Variants in FRMD4A observed in about 807,000 individuals in gnomAD.
FRMD4A encodes FERM domain containing 4A.
A neutral mutation model predicts 129.1 loss-of-function variants in FRMD4A; 29 were observed. That is an observed-to-expected ratio of 0.22 (90% CI 0.17 to 0.31). FRMD4A has a LOEUF of 0.31. Among genes scored for constraint, FRMD4A ranks in the 10% least tolerant of loss-of-function variants. FRMD4A has a pLI of 1.00. For synonymous variants in FRMD4A, 634 were observed against 571.6 expected, an observed-to-expected ratio of 1.11 and a Z score of -1.56; for missense variants, 1,272 against 1,375.8, an observed-to-expected ratio of 0.92 and a Z score of 1.19.
intron 2 of FRMD4A, among the ~76,000 whole-genome samples, chr10:14,209,167 T>C (rs888023049): frequency 6.6e-6 from 1 of 152,116 alleles, no homozygotes; most frequent in Non-Finnish European, 1.5e-5. Context: ...CGTCTTCACA[T>C]GGCATCCTCC....
At chr10:14,120,283 T>A (rs1838432330) in intron 2 of FRMD4A, among the ~76,000 whole-genome samples, 1 of 152,112 alleles carries the variant, frequency 6.6e-6, no homozygotes, top group African/African-American at 2.4e-5. Flanking sequence ...TATGTCCCTC[T>A]GCCTAGTTTA....
intron 2 of FRMD4A, chr10:13,972,072 G>C (rs1167852754): frequency 8.8e-7 from 1 of 1,134,074 alleles, no homozygotes; most frequent in Non-Finnish European, 1.1e-6. Flanking sequence ...GGACTCACCA[G>C]GGACAAGGTA....
At position 14,014,993 on chromosome 10, in the gene FRMD4A, TTATC is replaced by T. The variant is rs1565185530; in HGVS notation, c.46-156085_46-156082del. 1.8e-3 allele frequency among the ~76,000 whole-genome samples: 230 copies of T among 125,726 alleles called. 4 individuals carry two copies. The highest frequency in any genetic ancestry group is 6.5e-3 in the African/African-American group (218 of 33,584). 82.5% of individuals were successfully genotyped at this position (125,726 alleles called of 152,430 possible). ...CTCCCTCCCTTCCTTTCATCCTTTC[TTATC>T]TCCTTCCTTCCTCCCTCCCTCCCTT... On this transcript the variant is annotated intron_variant, in intron 2 of 24. Coordinates refer to ENST00000357447, the MANE Select transcript of FRMD4A (RefSeq NM_018027.5).
chr10:14,328,099 C>A (rs1051044464), intron 2 of FRMD4A, among the ~76,000 whole-genome samples: 6 of 152,048 alleles, frequency 3.9e-5, no homozygotes, highest in African/African-American at 1.2e-4. Flanking sequence ...TAAACATGAA[C>A]CAGAAAATGT....
At chr10:14,226,074 C>T (rs1843424990) in intron 2 of FRMD4A, among the ~76,000 whole-genome samples, 1 of 152,176 alleles carries the variant, frequency 6.6e-6, no homozygotes, top group African/African-American at 2.4e-5. Flanking sequence ...ATCAAAGTTA[C>T]AGTAACGTTC....
Position 14,078,767 on chromosome 10 carries a change from C to A in FRMD4A, c.46-219855G>T, listed in dbSNP as rs148597265. Reference sequence around the variant, plus strand: ...CAAAGTTCAAACTCAGGTCTCCTGGCTCCAAGCCCATGTGTTTCCCCTTCT... The same window carrying A: ...CAAAGTTCAAACTCAGGTCTCCTGGATCCAAGCCCATGTGTTTCCCCTTCT... On this transcript the variant is annotated intron_variant, in intron 2 of 24. Coordinates refer to ENST00000357447, the MANE Select transcript of FRMD4A (RefSeq NM_018027.5). Among the ~76,000 whole-genome samples the A allele has an allele frequency of 1.7e-3, 265 of 152,328 alleles. 2 individuals carry two copies. The highest frequency in any genetic ancestry group is 6.2e-3 in the African/African-American group (256 of 41,578).
intron 12 of FRMD4A, among the ~76,000 whole-genome samples, chr10:13,716,705 G>C (rs534123559): frequency 6.6e-6 from 1 of 152,196 alleles, no homozygotes; most frequent in African/African-American, 2.4e-5. Flanking sequence ...AGCTTCCTTT[G>C]GCTTAAGAGT....
At chr10:13,704,629 G>A (rs145536866) in intron 13 of FRMD4A, among the ~76,000 whole-genome samples, 8 of 152,090 alleles carry the variant, frequency 5.3e-5, no homozygotes, top group African/African-American at 1.2e-4. Context: ...CATGGCCCAC[G>A]ACGTCTGGCC....
At chr10:13,861,071 G>A (rs1030901316) in intron 2 of FRMD4A, among the ~76,000 whole-genome samples, 3 of 152,188 alleles carry the variant, frequency 2.0e-5, no homozygotes, top group South Asian at 4.1e-4. Flanking sequence ...CAGCACAGTC[G>A]CGGGCCGAAG....
chr10:14,301,726 A>G (rs958711925), intron 2 of FRMD4A, among the ~76,000 whole-genome samples: 2 of 152,218 alleles, frequency 1.3e-5, no homozygotes, highest in Non-Finnish European at 2.9e-5. Context: ...CATGTTTTCC[A>G]ATGTCATGGC....
chr10:13,969,100 C>A (rs927729460), intron 2 of FRMD4A, among the ~76,000 whole-genome samples: 4 of 152,230 alleles, frequency 2.6e-5, no homozygotes, highest in African/African-American at 9.6e-5. Flanking sequence ...ACCACCCCAG[C>A]CTGGTCTTGC....
At chr10:13,984,715 C>T (rs2095574827) in intron 2 of FRMD4A, among the ~76,000 whole-genome samples, 1 of 152,192 alleles carries the variant, frequency 6.6e-6, no homozygotes, top group South Asian at 2.1e-4. Context: ...AATTCGCTTC[C>T]TTTTTAAGGC....
At chr10:13,953,559 G>A (rs994488667) in intron 2 of FRMD4A, among the ~76,000 whole-genome samples, 6 of 152,148 alleles carry the variant, frequency 3.9e-5, no homozygotes, top group Non-Finnish European at 1.5e-5. Context: ...TCTAGCTCCT[G>A]CTGTCCACAT....
intron 2 of FRMD4A, among the ~76,000 whole-genome samples, chr10:14,169,293 G>A (rs1303079397): frequency 2.6e-5 from 4 of 152,152 alleles, no homozygotes; most frequent in East Asian, 3.9e-4. Flanking sequence ...TTCCGTGAAT[G>A]CCTCCTGGTT....
chr10:14,101,576 C>A (rs1837303820), intron 2 of FRMD4A, among the ~76,000 whole-genome samples: 1 of 152,116 alleles, frequency 6.6e-6, no homozygotes, highest in East Asian at 1.9e-4. Flanking sequence ...TATAGCACAT[C>A]AGATGATGGG....
Position 14,008,162 on chromosome 10 carries a change from C to CTGTGCGTGTG in FRMD4A, c.46-149251_46-149250insCACACGCACA, listed in dbSNP as rs1555012498. 115 of 630,252 alleles carry CTGTGCGTGTG rather than the reference C, an allele frequency of 1.8e-4. 1 individual carries two copies. The South Asian group carries it at 3.1e-3, about 17-fold the overall frequency. 39.0% of individuals were successfully genotyped at this position (630,252 alleles called of 1,614,324 possible). A position where few individuals can be genotyped will look rare whatever the true frequency, so the allele number is the denominator to read the frequency against. ...CAGCCTGAACCACCATGGTGTACAG[C>CTGTGCGTGTG]TGTGTGTGTGTGTGTGTGTGTGTGT... On this transcript the variant is annotated intron_variant, in intron 2 of 24. Coordinates refer to ENST00000357447, the MANE Select transcript of FRMD4A (RefSeq NM_018027.5).
intron 2 of FRMD4A, among the ~76,000 whole-genome samples, chr10:14,187,434 T>A (rs1209622540): frequency 6.6e-6 from 1 of 152,224 alleles, no homozygotes. Flanking sequence ...GTTGGCTATA[T>A]ATGTCCTTTG....
intron 2 of FRMD4A, among the ~76,000 whole-genome samples, chr10:14,207,150 G>A (rs1197432575): frequency 1.3e-5 from 2 of 151,976 alleles, no homozygotes; most frequent in East Asian, 3.9e-4. Context: ...AGAGTGTTCT[G>A]GAATGTCATA....
chr10:13,959,130 C>T (rs937129184), intron 2 of FRMD4A, among the ~76,000 whole-genome samples: 1 of 152,076 alleles, frequency 6.6e-6, no homozygotes, highest in Non-Finnish European at 1.5e-5. Context: ...CAGTAAAAGT[C>T]CCCTCTCCCT....
Sources: allele counts gnomAD v4.1 joint callset (sites outside exome capture counted in the v4.1 genomes callset), GRCh38; gene constraint gnomAD v4.1.1; transcripts MANE v1.5; gene names NCBI Gene and HGNC (gene_info 2026-07-23, HGNC 2026-07-21).